The following RIN3 variants were observed in gnomAD, a reference collection of about 807,000 sequenced individuals.
RIN3 encodes RAB5 interacting protein 3.
RIN3 carries 54 observed loss-of-function variants against 76.3 expected under a neutral mutation model. The observed-to-expected ratio is 0.71, with a 90% CI of 0.57 to 0.89. RIN3 has a LOEUF of 0.89. RIN3 is among the 40% of genes least tolerant of loss of function. The probability of loss-of-function intolerance (pLI) is 0.00; values close to 1 mark genes in which losing one functional copy is unlikely to be tolerated. For missense variants in RIN3, 1,256 were observed against 1,322.1 expected (o/e 0.95, Z 0.78); for synonymous variants, 576 against 564.0 (o/e 1.02, Z -0.30).
chr14:92,579,147 C>T (rs1008183020), intron 3 of RIN3, among the ~76,000 whole-genome samples: 15 of 152,080 alleles, frequency 9.9e-5, no homozygotes, highest in Non-Finnish European at 5.9e-5. Flanking sequence ...AGGCTGGTCT[C>T]GAACCCCCCA....
At chr14:92,600,123 G>C (rs1885292764) in intron 3 of RIN3, among the ~76,000 whole-genome samples, 1 of 152,196 alleles carries the variant, frequency 6.6e-6, no homozygotes, top group Non-Finnish European at 1.5e-5. Flanking sequence ...CCTGCGCTCA[G>C]AACCAGTGAG....
intron 7 of RIN3, 147 bp downstream of exon 7, chr14:92,659,616 G>T: frequency 1.4e-6 from 1 of 707,912 alleles, no homozygotes; most frequent in Non-Finnish European, 2.2e-6. Flanking sequence ...GTGTGGGTGG[G>T]GTGTAATTCC....
At chr14:92,655,057 C>T (rs183444765) in intron 6 of RIN3, among the ~76,000 whole-genome samples, 20 of 151,950 alleles carry the variant, frequency 1.3e-4, no homozygotes, top group Admixed American at 1.0e-3. Context: ...CCCAGCTACT[C>T]GGGAGGCTGA....
At chr14:92,626,248 T>C (rs1013468694) in intron 4 of RIN3, among the ~76,000 whole-genome samples, 2 of 152,170 alleles carry the variant, frequency 1.3e-5, no homozygotes, top group African/African-American at 4.8e-5. Flanking sequence ...GCAGGAACAT[T>C]TTGGCCAGGA....
chr14:92,536,733 TC>T (rs1275209886), intron 1 of RIN3, among the ~76,000 whole-genome samples: 1 of 112,728 alleles, frequency 8.9e-6, no homozygotes, highest in Non-Finnish European at 1.7e-5. Context: ...AGAGCAAGAC[TC>T]CGTCTCAGAA....
At chr14:92,517,223 G>C (rs1048881323) in intron 1 of RIN3, among the ~76,000 whole-genome samples, 6 of 152,228 alleles carry the variant, frequency 3.9e-5, no homozygotes, top group African/African-American at 1.4e-4. Flanking sequence ...AGGTGGGAAA[G>C]TGTGGTGGAG....
chr14:92,513,858 G>A lies in RIN3; in HGVS notation c.-75G>A. ...AGAGGGCCAGAGCCAGGGACATGCGGGCGCCCGGGACTCCGCGTTCCGCGC... is the reference window on the plus strand; with the variant it reads ...AGAGGGCCAGAGCCAGGGACATGCGAGCGCCCGGGACTCCGCGTTCCGCGC... On this transcript the variant is annotated 5_prime_UTR_variant, in exon 1 of 10. Coordinates refer to ENST00000216487, the MANE Select transcript of RIN3 (RefSeq NM_024832.5). 2 of 1,126,288 alleles carry A rather than the reference G, an allele frequency of 1.8e-6. No homozygotes were observed. The highest frequency in any genetic ancestry group is 3.4e-4 in the Middle Eastern group (1 of 2,952). The allele number at this position is 1,126,288 out of a possible 1,614,324, so 69.8% of individuals were successfully genotyped here. A position where few individuals can be genotyped will look rare whatever the true frequency, so the allele number is the denominator to read the frequency against.
chr14:92,634,876 G>A (rs1445052899), intron 4 of RIN3, among the ~76,000 whole-genome samples: 1 of 150,608 alleles, frequency 6.6e-6, no homozygotes, highest in East Asian at 1.9e-4. Flanking sequence ...AAAAAAAGGT[G>A]GATTCTCAGC....
intron 4 of RIN3, among the ~76,000 whole-genome samples, chr14:92,627,662 G>A (rs1240411959): frequency 1.3e-5 from 2 of 152,178 alleles, no homozygotes; most frequent in Non-Finnish European, 1.5e-5. Context: ...CAACGTTGCC[G>A]AGAGTCCAGG....
At chr14:92,521,129 C>T (rs866832228) in intron 1 of RIN3, among the ~76,000 whole-genome samples, 107 of 152,034 alleles carry the variant, frequency 7.0e-4, no homozygotes, top group African/African-American at 2.6e-3. Context: ...TAGCCATCTA[C>T]TTATCCACCC....
chr14:92,659,760 C>A (rs373836616), intron 7 of RIN3, among the ~76,000 whole-genome samples: 17 of 152,350 alleles, frequency 1.1e-4, no homozygotes, highest in African/African-American at 4.1e-4. Flanking sequence ...TTTGCTAGGG[C>A]TGCTGAAACG....
At chr14:92,627,740 C>T (rs953776668) in intron 4 of RIN3, among the ~76,000 whole-genome samples, 5 of 152,192 alleles carry the variant, frequency 3.3e-5, no homozygotes, top group Non-Finnish European at 5.9e-5. Context: ...GGCAGTGGGT[C>T]ACGTCTCCCC....
Position 92,651,949 on chromosome 14 carries a change from C to T in RIN3, c.900C>T (p.Leu300=). Reference sequence around the variant, plus strand: ...GCAGCCCAGCCCAGCCCCCTGTGCTCCCTGCTCTTGCCCCCGCCCCTGCCT... The same window carrying T: ...GCAGCCCAGCCCAGCCCCCTGTGCTTCCTGCTCTTGCCCCCGCCCCTGCCT... ...QPCSPAQPPV[L]PALAPAPACP... Residue 300 remains leucine (L), a synonymous_variant, in exon 6 of 10, where the codon CTC becomes CTT. Coordinates refer to ENST00000216487, the MANE Select transcript of RIN3 (RefSeq NM_024832.5). 1 of 1,408,020 alleles carries T rather than the reference C, an allele frequency of 7.1e-7. No homozygotes were observed. Among genetic ancestry groups the T allele is most frequent in the Non-Finnish European group, 9.4e-7 (1 of 1,059,134 alleles). The allele number at this position is 1,408,020 out of a possible 1,614,324, so 87.2% of individuals were successfully genotyped here.
intron 3 of RIN3, among the ~76,000 whole-genome samples, chr14:92,615,180 C>T (rs8021427): frequency 1.3e-5 from 2 of 152,066 alleles, no homozygotes; most frequent in Non-Finnish European, 2.9e-5. Context: ...TGGACTAATA[C>T]AAACAGGTAA....
At chr14:92,551,844 G>T (rs768453281) in intron 1 of RIN3, among the ~76,000 whole-genome samples, 28 of 152,166 alleles carry the variant, frequency 1.8e-4, no homozygotes, top group Non-Finnish European at 2.9e-4. Flanking sequence ...TTTTCCCCCA[G>T]CCTGATGGGC....
chr14:92,651,992 C>G lies in RIN3; in HGVS notation c.943C>G (p.Pro315Ala). Residue 315 changes from proline to alanine, a missense_variant, in exon 6 of 10, where the codon CCC becomes GCC. Coordinates refer to ENST00000216487, the MANE Select transcript of RIN3 (RefSeq NM_024832.5). ...CCCTGCCTGTCCTTTGCCCACCTCTCCCCCAGTGCCTGCCCCCCACGTCAC... is the reference window on the plus strand; with the variant it reads ...CCCTGCCTGTCCTTTGCCCACCTCTGCCCCAGTGCCTGCCCCCCACGTCAC... ...PAPACPLPTS[P>A]PVPAPHVTPH... 1 of 1,475,342 alleles carries G rather than the reference C, an allele frequency of 6.8e-7. No homozygotes were observed. Among genetic ancestry groups the G allele is most frequent in the Non-Finnish European group, 9.3e-7 (1 of 1,073,728 alleles). 91.4% of individuals were successfully genotyped at this position (1,475,342 alleles called of 1,614,324 possible).
At position 92,680,200 on chromosome 14, in the gene RIN3, C is replaced by CTT. The variant is rs34005662; in HGVS notation, c.2467+3610_2467+3611dup. 4.0e-3 allele frequency among the ~76,000 whole-genome samples: 536 copies of CTT among 134,282 alleles called. 13 individuals are homozygous for CTT. In the South Asian group the frequency reaches 0.059, roughly 15 times the overall value. The allele number at this position is 134,282 out of a possible 152,430, so 88.1% of individuals were successfully genotyped here. On this transcript the variant is annotated intron_variant, in intron 8 of 9. Transcript: ENST00000216487. ...GAAGGGACAGGACAGCTCTCTGGCA[C>CTT]TTTTTTTTTTTTTTTTTGAGACAGA...
chr14:92,578,893 C>T (rs984340842), intron 3 of RIN3, among the ~76,000 whole-genome samples: 4 of 151,822 alleles, frequency 2.6e-5, no homozygotes, highest in East Asian at 1.9e-4. Context: ...CCTCTGGCTA[C>T]GTGACTCCTG....
At chr14:92,633,464 C>G (rs1886661776) in intron 4 of RIN3, among the ~76,000 whole-genome samples, 1 of 152,222 alleles carries the variant, frequency 6.6e-6, no homozygotes, top group South Asian at 2.1e-4. Context: ...GAGGGGACGG[C>G]TGGCTGGGCA....
Sources: allele counts gnomAD v4.1 joint callset (sites outside exome capture counted in the v4.1 genomes callset), GRCh38; gene constraint gnomAD v4.1.1; transcripts MANE v1.5; gene names NCBI Gene and HGNC (gene_info 2026-07-23, HGNC 2026-07-21).